PNPLA1: variants seen among roughly 807,000 people sequenced by gnomAD.
The protein encoded by PNPLA1 is omega-hydroxyceramide transacylase.
PNPLA1 carries 36 observed loss-of-function variants against 51.7 expected under a neutral mutation model. The observed-to-expected ratio is 0.70, with a 90% CI of 0.53 to 0.92. PNPLA1 has a LOEUF of 0.92. Ranked by LOEUF, PNPLA1 falls within the 40% of genes least tolerant of loss-of-function variation. The probability of loss-of-function intolerance (pLI) is 0.00; values close to 1 mark genes in which losing one functional copy is unlikely to be tolerated. For synonymous variants in PNPLA1, 293 were observed against 280.1 expected (o/e 1.05, Z -0.46); for missense variants, 658 against 682.5 (o/e 0.96, Z 0.40).
chr6:36,301,386 G>A (rs1771041560), intron 5 of PNPLA1, among the ~76,000 whole-genome samples: 1 of 151,962 alleles, frequency 6.6e-6, no homozygotes, highest in South Asian at 2.1e-4. Context: ...TCCGGCCCCT[G>A]CCGCCTCCTC....
At chr6:36,287,227 T>C (rs1229208181) in intron 1 of PNPLA1, among the ~76,000 whole-genome samples, 1 of 152,216 alleles carries the variant, frequency 6.6e-6, no homozygotes, top group Admixed American at 6.5e-5. Context: ...GCATAGAATA[T>C]GGCCCATCTC....
chr6:36,291,701 C>T, intron 2 of PNPLA1, 149 bp downstream of exon 2: 1 of 714,510 alleles, frequency 1.4e-6, no homozygotes, highest in Non-Finnish European at 2.3e-6. Flanking sequence ...TCTCGCTGTG[C>T]AAGGTGCAGT....
rs769942082 is a variant in PNPLA1, at chr6:36,299,144, G to A, written c.776-2717G>A. 4.6e-5 allele frequency among the ~76,000 whole-genome samples: 7 copies of A among 152,130 alleles called. No individual in the cohort carries two copies. In the East Asian group the frequency reaches 7.7e-4, roughly 17 times the overall value. On this transcript the variant is annotated intron_variant, in intron 5 of 8. Transcript: ENST00000636260. ...TCTTTCGGCTATTGTGGATAATGCT[G>A]CAGTGCCCATGGATGTCTCTTCCAG...
rs10947599 is a variant in PNPLA1 at position 36,301,727 on chromosome 6, G to A, written c.776-134G>A. On this transcript the variant is annotated intron_variant, in intron 5 of 8. Coordinates refer to ENST00000636260, the MANE Select transcript of PNPLA1 (RefSeq NM_001374623.1). ...ACCATCACGTTTGTTTTCACTCACTGTAAATTCAAGTAAGTACAGAAAGAC... is the reference window on the plus strand; with the variant it reads ...ACCATCACGTTTGTTTTCACTCACTATAAATTCAAGTAAGTACAGAAAGAC... 496,284 of 1,253,472 alleles carry A rather than the reference G, an allele frequency of 0.4. 101,108 individuals are homozygous for A. The highest frequency in any genetic ancestry group is 0.5 in the Admixed American group (21,461 of 43,334). 77.6% of individuals were successfully genotyped at this position (1,253,472 alleles called of 1,614,324 possible). A position where few individuals can be genotyped will look rare whatever the true frequency, so the allele number is the denominator to read the frequency against.
At chr6:36,291,654 A>G in intron 2 of PNPLA1, 102 bp downstream of exon 2, 1 of 979,734 alleles carries the variant, frequency 1.0e-6, no homozygotes, top group East Asian at 2.6e-5. Context: ...CACCTGCCTC[A>G]CTTCCCTAGT....
chr6:36,273,551 C>T (rs542948060), intron 1 of PNPLA1, among the ~76,000 whole-genome samples: 10 of 151,612 alleles, frequency 6.6e-5, no homozygotes, highest in South Asian at 2.1e-4. Context: ...CGGGCGCCTG[C>T]GTTGCTCATC....
In PNPLA1 at chr6:36,294,478, C is replaced by A. The variant is rs1188735448; in HGVS notation, c.714+79C>A. 1 of 1,364,490 alleles carries A rather than the reference C, an allele frequency of 7.3e-7. No individual in the cohort carries two copies. Among genetic ancestry groups the A allele is most frequent in the Admixed American group, 1.8e-5 (1 of 55,466 alleles). The allele number at this position is 1,364,490 out of a possible 1,614,324, so 84.5% of individuals were successfully genotyped here. Reference sequence around the variant, plus strand: ...GGGGTTAGAGAGCCACTGGGGCCCACTCAAGTTCCATCTGAGTCTCCTCCC... The same window carrying A: ...GGGGTTAGAGAGCCACTGGGGCCCAATCAAGTTCCATCTGAGTCTCCTCCC... On this transcript the variant is annotated intron_variant, in intron 4 of 8. Transcript: ENST00000636260. The surrounding 1 kb of genome is among the most constrained non-coding windows in gnomAD (Gnocchi z 4.2).
intron 1 of PNPLA1, among the ~76,000 whole-genome samples, chr6:36,251,157 G>T (rs1769415160): frequency 6.6e-6 from 1 of 152,010 alleles, no homozygotes; most frequent in African/African-American, 2.4e-5. Context: ...CTTCATTCCT[G>T]ATACTGCCAC....
intron 1 of PNPLA1, among the ~76,000 whole-genome samples, chr6:36,272,953 G>A (rs558501067): frequency 2.0e-5 from 3 of 152,252 alleles, no homozygotes; most frequent in African/African-American, 7.2e-5. Context: ...AAAGTGTATA[G>A]AGTAAAAGTA....
intron 1 of PNPLA1, among the ~76,000 whole-genome samples, chr6:36,287,110 C>T (rs1376594309): frequency 6.6e-6 from 1 of 152,186 alleles, no homozygotes; most frequent in African/African-American, 2.4e-5. Flanking sequence ...ATGATCTCGC[C>T]TTCAAGCTTT....
chr6:36,260,944 C>T (rs1769633729), intron 1 of PNPLA1, among the ~76,000 whole-genome samples: 1 of 152,098 alleles, frequency 6.6e-6, no homozygotes, highest in Non-Finnish European at 1.5e-5. Context: ...CTGCCTCAGC[C>T]TCCCAAGTAG....
At chr6:36,302,499 T>C (rs752989608) in intron 6 of PNPLA1, 30 bp downstream of exon 6, 1 of 1,513,982 alleles carries the variant, frequency 6.6e-7, no homozygotes, top group Admixed American at 2.3e-5. Flanking sequence ...GTTATGACTT[T>C]CTCATGCCTG....
At chr6:36,281,260 T>A (rs1770273676) in intron 1 of PNPLA1, among the ~76,000 whole-genome samples, 1 of 152,236 alleles carries the variant, frequency 6.6e-6, no homozygotes, top group Admixed American at 6.5e-5. Flanking sequence ...GTTGCCCAGA[T>A]GTAACTTGGA....
intron 2 of PNPLA1, among the ~76,000 whole-genome samples, chr6:36,292,219 C>T (rs886446786): frequency 1.3e-5 from 2 of 152,090 alleles, no homozygotes; most frequent in Admixed American, 6.5e-5. Context: ...CCACTCCATC[C>T]TCATCCCATA....
intron 1 of PNPLA1, among the ~76,000 whole-genome samples, chr6:36,251,775 C>T (rs946108578): frequency 2.0e-5 from 3 of 151,150 alleles, no homozygotes; most frequent in African/African-American, 7.3e-5. Flanking sequence ...CCCGTCTCTA[C>T]AAAAAAAAAT....
At chr6:36,301,149 C>G (rs1387259286) in intron 5 of PNPLA1, among the ~76,000 whole-genome samples, 1 of 108,130 alleles carries the variant, frequency 9.2e-6, no homozygotes, top group Non-Finnish European at 1.7e-5. Context: ...GAGACAGGTT[C>G]TCACTCTGTC....
intron 1 of PNPLA1, among the ~76,000 whole-genome samples, chr6:36,246,934 TC>T (rs1450136617): frequency 6.6e-6 from 1 of 152,068 alleles, no homozygotes; most frequent in Admixed American, 6.5e-5. Flanking sequence ...AGGACCAGCC[TC>T]CCCGCGCTCA....
At chr6:36,306,444 T>A in intron 7 of PNPLA1, 68 bp downstream of exon 7, 1 of 1,391,758 alleles carries the variant, frequency 7.2e-7, no homozygotes, top group Non-Finnish European at 1.0e-6. Context: ...CTAAGCGATA[T>A]CTTCCACCAC....
At chr6:36,252,196 C>G (rs868315156) in intron 1 of PNPLA1, among the ~76,000 whole-genome samples, 17 of 152,122 alleles carry the variant, frequency 1.1e-4, no homozygotes, top group African/African-American at 3.6e-4. Flanking sequence ...CCCAGCCTCC[C>G]CTGCAGCTCA....
Sources: gnomAD v4.1 joint callset for allele counts (sites outside exome capture counted in the v4.1 genomes callset) on GRCh38, gnomAD v4.1.1 for gene constraint, Gnocchi (gnomAD v3.1) non-coding constraint, MANE v1.5 for transcripts, NCBI Gene and HGNC (gene_info 2026-07-23, HGNC 2026-07-21) for gene names.